PRKCI: variants seen among roughly 807,000 people sequenced by gnomAD.
The protein encoded by PRKCI is protein kinase C iota type.
PRKCI carries 43 observed loss-of-function variants against 84.0 expected under a neutral mutation model. The ratio of observed to expected loss-of-function variants is 0.51; its 90% CI spans 0.40 to 0.66. PRKCI has a LOEUF of 0.66. Ranked by LOEUF, PRKCI falls within the 30% of genes least tolerant of loss-of-function variation. The pLI is 0.00. For synonymous variants in PRKCI, 216 were observed against 234.4 expected, an observed-to-expected ratio of 0.92 and a Z score of 0.72; for missense variants, 459 against 745.6, an observed-to-expected ratio of 0.62 and a Z score of 4.48.
In PRKCI at chr3:170,303,088, T is replaced by C; in HGVS notation, c.1752T>C (p.Tyr584=). 1 of 1,606,108 alleles carries C rather than the reference T, an allele frequency of 6.2e-7. No homozygotes were observed. ...AGTCTGAATTTGAAGGTTTTGAGTATATCAATCCTCTTTTGATGTCTGCAG... is the reference window on the plus strand; with the variant it reads ...AGTCTGAATTTGAAGGTTTTGAGTACATCAATCCTCTTTTGATGTCTGCAG... ...IDQSEFEGFE[Y]INPLLMSAEE... is the part of the protein sequence containing the mutation. Residue 584 remains tyrosine (Y), a synonymous_variant, in exon 18 of 18, where the codon TAT becomes TAC. Coordinates refer to ENST00000295797, the MANE Select transcript of PRKCI (RefSeq NM_002740.6).
intron 2 of PRKCI, among the ~76,000 whole-genome samples, chr3:170,240,129 T>C (rs1359172770): frequency 6.6e-6 from 1 of 152,084 alleles, no homozygotes; most frequent in Non-Finnish European, 1.5e-5. Context: ...GCCACTGCAC[T>C]CCAACCTAGG....
Position 170,270,445 on chromosome 3 carries a change from G to A in PRKCI, c.475G>A (p.Asp159Asn). 1 of 1,613,498 alleles carries A rather than the reference G, an allele frequency of 6.2e-7. No homozygotes were observed. The highest frequency in any genetic ancestry group is 8.5e-7 in the Non-Finnish European group (1 of 1,179,780). The change falls in exon 6 of 18, where the codon GAC becomes AAC. Residue 159 changes from aspartate (D) to asparagine (N), a missense_variant. This residue lies in a region of PRKCI where 250 missense variants were observed against 319.7 expected (regional missense o/e 0.78). Transcript: ENST00000295797. ...GCGTGCTCACTGTGCCATCTGCACA[G>A]ACCGAATATGGGGACTTGGACGCCA... ...NRRAHCAICT[D>N]RIWGLGRQGY...
intron 7 of PRKCI, among the ~76,000 whole-genome samples, chr3:170,273,605 A>G (rs1217184847): frequency 2.6e-5 from 4 of 151,822 alleles, no homozygotes; most frequent in Non-Finnish European, 5.9e-5. Flanking sequence ...ACCTGAGGTC[A>G]GGAGTTCGAG....
intron 1 of PRKCI, among the ~76,000 whole-genome samples, chr3:170,224,521 T>C (rs1050640517): frequency 6.6e-6 from 1 of 152,086 alleles, no homozygotes; most frequent in Non-Finnish European, 1.5e-5. Flanking sequence ...TCTTTTATTT[T>C]ATTTTTGTTT....
At chr3:170,256,522 T>A (rs371544720) in intron 2 of PRKCI, among the ~76,000 whole-genome samples, 47 of 152,296 alleles carry the variant, frequency 3.1e-4, no homozygotes, top group African/African-American at 1.1e-3. Context: ...TATTGTCTCC[T>A]TTTTCATCTG....
chr3:170,270,382 T>TAA (rs1020186582), intron 5 of PRKCI, 39 bp from the exon 6 acceptor site: 6 of 1,562,946 alleles, frequency 3.8e-6, no homozygotes, highest in Non-Finnish European at 5.2e-6. Flanking sequence ...GGTTATGACC[T>TAA]TCTTGGTTAA....
At chr3:170,273,867 C>T (rs1268686866) in intron 7 of PRKCI, among the ~76,000 whole-genome samples, 2 of 151,192 alleles carry the variant, frequency 1.3e-5, no homozygotes, top group African/African-American at 4.9e-5. Context: ...TGTGGTGGCT[C>T]ACGGCTGTAA....
At chr3:170,244,000 T>C (rs1733206888) in intron 2 of PRKCI, among the ~76,000 whole-genome samples, 1 of 152,184 alleles carries the variant, frequency 6.6e-6, no homozygotes, top group Admixed American at 6.6e-5. Context: ...TATGATACTA[T>C]AATATAATGA....
intron 8 of PRKCI, among the ~76,000 whole-genome samples, chr3:170,278,331 C>A (rs1734167715): frequency 6.6e-6 from 1 of 152,138 alleles, no homozygotes; most frequent in South Asian, 2.1e-4. Flanking sequence ...GCTGTATTTA[C>A]CCTTGTGTGT....
At chr3:170,254,253 C>G (rs1194752219) in intron 2 of PRKCI, among the ~76,000 whole-genome samples, 4 of 151,920 alleles carry the variant, frequency 2.6e-5, no homozygotes, top group South Asian at 4.1e-4. Flanking sequence ...TTCTCCCATT[C>G]TGTGGGTTGT....
chr3:170,262,383 T>A (rs1733749162), intron 3 of PRKCI, among the ~76,000 whole-genome samples: 1 of 151,974 alleles, frequency 6.6e-6, no homozygotes, highest in Non-Finnish European at 1.5e-5. Flanking sequence ...CGATATTAGT[T>A]AATGATTTCT....
At position 170,273,286 on chromosome 3, in the gene PRKCI, G is replaced by C; in HGVS notation, c.592G>C (p.Glu198Gln). The C allele has an allele frequency of 6.2e-7, 1 of 1,613,244 alleles. No homozygotes were observed. Among genetic ancestry groups the C allele is most frequent in the Admixed American group, 1.7e-5 (1 of 59,980 alleles). ...IECGRHSLPQ[E>Q]PVMPMDQSSM... is the part of the protein sequence containing the mutation. ...ACTGTGTCTTTGGAAATGTTTGTAG[G>C]AACCAGTGATGCCCATGGATCAGTC... is the stretch of plus-strand genomic sequence containing the variant. Residue 198 changes from glutamate (E) to glutamine (Q), a missense_variant and splice_region_variant, in exon 7 of 18, where the codon GAA (glutamate) becomes CAA (glutamine). Glu to Gln is a conservative substitution (Grantham distance 29, BLOSUM62 2). This residue lies in a region of PRKCI where 250 missense variants were observed against 319.7 expected (regional missense o/e 0.78). Transcript: ENST00000295797.
intron 17 of PRKCI, among the ~76,000 whole-genome samples, chr3:170,300,913 G>GT (rs1367523418): frequency 6.6e-6 from 1 of 152,020 alleles, no homozygotes; most frequent in Non-Finnish European, 1.5e-5. Flanking sequence ...CCTCTCATGT[G>GT]TTTTCCCTGT....
rs545430768 is a variant in PRKCI at position 170,230,165 on chromosome 3, C to CTTTTTT, written c.102-5052_102-5047dup. 1.6e-4 allele frequency among the ~76,000 whole-genome samples: 21 copies of CTTTTTT among 134,878 alleles called. No individual in the cohort carries two copies. The East Asian group carries it at 2.4e-3, about 15-fold the overall frequency. 88.5% of individuals were successfully genotyped at this position (134,878 alleles called of 152,430 possible). A position where few individuals can be genotyped will look rare whatever the true frequency, so the allele number is the denominator to read the frequency against. On this transcript the variant is annotated intron_variant, in intron 1 of 17. Coordinates refer to ENST00000295797, the MANE Select transcript of PRKCI (RefSeq NM_002740.6). ...ATTCTATTTTTCTTCTATTATGCAA[C>CTTTTTT]TTTTTTTTTTTTTTTTTTGAGACAG... is the stretch of plus-strand genomic sequence containing the variant.
intron 2 of PRKCI, among the ~76,000 whole-genome samples, chr3:170,248,374 G>C (rs566604496): frequency 1.6e-4 from 21 of 130,454 alleles, no homozygotes; most frequent in Non-Finnish European, 1.9e-4. Flanking sequence ...GATATATTGG[G>C]GGGGGGAAAA....
intron 5 of PRKCI, among the ~76,000 whole-genome samples, chr3:170,269,150 C>T (rs577090574): frequency 4.6e-5 from 7 of 152,190 alleles, no homozygotes; most frequent in African/African-American, 1.4e-4. Flanking sequence ...CCTGACCTCG[C>T]GTGATCCGTC....
At chr3:170,249,531 G>C (rs951634404) in intron 2 of PRKCI, among the ~76,000 whole-genome samples, 1 of 152,132 alleles carries the variant, frequency 6.6e-6, no homozygotes, top group Non-Finnish European at 1.5e-5. Context: ...GCTCACGCCT[G>C]TAATCCCAGC....
rs981670343 is a variant in PRKCI at position 170,303,724 on chromosome 3, A to G, written c.*597A>G. On this transcript the variant is annotated 3_prime_UTR_variant, in exon 18 of 18. Coordinates refer to ENST00000295797, the MANE Select transcript of PRKCI (RefSeq NM_002740.6). ...AGAATTGGGAAATTCGGCTGGGTGCAGTGACTCAATGCCTGTGATCCCAGT... is the reference window on the plus strand; with the variant it reads ...AGAATTGGGAAATTCGGCTGGGTGCGGTGACTCAATGCCTGTGATCCCAGT... The G allele has an allele frequency of 1.5e-4, 31 of 212,156 alleles. No individual in the cohort carries two copies. The highest frequency in any genetic ancestry group is 2.4e-4 in the Non-Finnish European group (25 of 104,824). The allele number at this position is 212,156 out of a possible 1,614,324, so 13.1% of individuals were successfully genotyped here.
intron 2 of PRKCI, among the ~76,000 whole-genome samples, chr3:170,243,221 C>T (rs1733180772): frequency 6.6e-6 from 1 of 152,300 alleles, no homozygotes; most frequent in African/African-American, 2.4e-5. Context: ...CTCACTCCTG[C>T]TCTTTTGTCC....
Sources: gnomAD v4.1 joint callset for allele counts (sites outside exome capture counted in the v4.1 genomes callset) on GRCh38, gnomAD v4.1.1 for gene constraint, gnomAD v4.1.1 regional missense constraint, MANE v1.5 for transcripts, NCBI Gene and HGNC (gene_info 2026-07-23, HGNC 2026-07-21) for gene names.